CTIF: variants seen among roughly 807,000 people sequenced by gnomAD.
CTIF encodes cap binding complex dependent translation initiation factor, also known as CBP80/20-dependent translation initiation factor.
CTIF carries 21 observed loss-of-function variants against 66.0 expected under a neutral mutation model. That is an observed-to-expected ratio of 0.32 (90% confidence interval 0.23 to 0.46). The LOEUF (loss-of-function observed/expected upper bound fraction) is 0.46, where lower values mean the gene tolerates loss of function less well. Among genes scored for constraint, CTIF ranks in the 20% least tolerant of loss-of-function variants. The pLI is 1.00. For missense variants in CTIF, 739 were observed against 812.7 expected, an observed-to-expected ratio of 0.91 and a Z score of 1.10; for synonymous variants, 345 against 326.4, an observed-to-expected ratio of 1.06 and a Z score of -0.62.
intron 6 of CTIF, among the ~76,000 whole-genome samples, chr18:48,692,223 G>T (rs1247831379): frequency 6.6e-6 from 1 of 151,876 alleles, no homozygotes; most frequent in Non-Finnish European, 1.5e-5. Context: ...AACTCAACTG[G>T]GAATCCACTT....
intron 3 of CTIF, among the ~76,000 whole-genome samples, chr18:48,642,223 T>C (rs1306402554): frequency 6.6e-6 from 1 of 152,082 alleles, no homozygotes; most frequent in Non-Finnish European, 1.5e-5. Context: ...TAAAAACTAG[T>C]TTACACAGAA....
chr18:48,856,172 C>T (rs1018206483), intron 10 of CTIF, among the ~76,000 whole-genome samples: 1 of 152,142 alleles, frequency 6.6e-6, no homozygotes, highest in African/African-American at 2.4e-5. Flanking sequence ...GGAAGCCACG[C>T]CCAGAGAGGG....
At chr18:48,653,128 G>C (rs2144787469) in intron 3 of CTIF, among the ~76,000 whole-genome samples, 2 of 152,296 alleles carry the variant, frequency 1.3e-5, no homozygotes, top group Admixed American at 1.3e-4. Context: ...GTTCTGGCCA[G>C]GGCACTCAGG....
chr18:48,711,639 T>C lies in CTIF; in HGVS notation c.528T>C (p.His176=), dbSNP rs746441593. Residue 176 remains histidine, a synonymous_variant, in exon 7 of 12, where the codon CAT becomes CAC. Coordinates refer to ENST00000256413, the MANE Select transcript of CTIF (RefSeq NM_014772.3). ...PAWQGYHPMP[H]EVEIAHTKKL... The stretch of plus-strand genomic sequence containing the variant: ...CACAGGGCTACCACCCGATGCCCCA[T>C]GAAGTGGAGATCGCACACACCAAGA... 6 of 1,613,876 alleles carry C rather than the reference T, an allele frequency of 3.7e-6. No individual in the cohort carries two copies. The highest frequency in any genetic ancestry group is 5.1e-6 in the Non-Finnish European group (6 of 1,179,920).
At chr18:48,698,845 G>C (rs1360510795) in intron 6 of CTIF, among the ~76,000 whole-genome samples, 4 of 152,172 alleles carry the variant, frequency 2.6e-5, no homozygotes, top group Admixed American at 2.6e-4. Flanking sequence ...GCTGGGGACT[G>C]TCATTTCCCC....
intron 7 of CTIF, among the ~76,000 whole-genome samples, chr18:48,723,936 C>A (rs9963062): frequency 1.3e-5 from 2 of 152,018 alleles, no homozygotes; most frequent in African/African-American, 4.8e-5. Context: ...GGCAAGACAC[C>A]AGCAAACAGA....
At chr18:48,781,778 G>A (rs1911253915) in intron 9 of CTIF, among the ~76,000 whole-genome samples, 1 of 152,104 alleles carries the variant, frequency 6.6e-6, no homozygotes, top group Non-Finnish European at 1.5e-5. Flanking sequence ...TAAAAGGCCT[G>A]GGTTTCGGTC....
At chr18:48,577,551 G>A (rs531210661) in intron 1 of CTIF, among the ~76,000 whole-genome samples, 58 of 151,728 alleles carry the variant, frequency 3.8e-4, no homozygotes, top group African/African-American at 1.4e-3. Context: ...CCCTTTTGAA[G>A]TGGATTTTTT....
chr18:48,731,635 A>G (rs898628612), intron 7 of CTIF, among the ~76,000 whole-genome samples: 1 of 152,226 alleles, frequency 6.6e-6, no homozygotes, highest in African/African-American at 2.4e-5. Flanking sequence ...AAAGTCTTAT[A>G]TGGAAATTAT....
chr18:48,603,700 G>A (rs2090149572), intron 1 of CTIF, among the ~76,000 whole-genome samples: 1 of 152,060 alleles, frequency 6.6e-6, no homozygotes, highest in South Asian at 2.1e-4. Flanking sequence ...GTGGATGGAT[G>A]GATGAATAGA....
intron 7 of CTIF, among the ~76,000 whole-genome samples, chr18:48,732,122 G>GC (rs1405098396): frequency 6.6e-6 from 1 of 152,198 alleles, no homozygotes; most frequent in Admixed American, 6.5e-5. Flanking sequence ...CTGCAGCAGT[G>GC]CATTCACCTG....
At chr18:48,738,000 A>G (rs1017067983) in intron 7 of CTIF, among the ~76,000 whole-genome samples, 5 of 152,212 alleles carry the variant, frequency 3.3e-5, no homozygotes, top group Admixed American at 3.3e-4. Context: ...GGGGTGTCTA[A>G]TACACTTCTC....
chr18:48,838,352 C>T (rs1160730293), intron 10 of CTIF, among the ~76,000 whole-genome samples: 1 of 151,794 alleles, frequency 6.6e-6, no homozygotes, highest in African/African-American at 2.4e-5. Context: ...AAGCCAGTGC[C>T]CTCCTAGAGT....
chr18:48,734,247 A>G (rs2092480272), intron 7 of CTIF, among the ~76,000 whole-genome samples: 1 of 152,218 alleles, frequency 6.6e-6, no homozygotes, highest in Admixed American at 6.5e-5. Context: ...TGCTGTGGTC[A>G]GAGATAATAC....
chr18:48,639,488 G>A (rs2090887714), intron 3 of CTIF, among the ~76,000 whole-genome samples: 1 of 152,110 alleles, frequency 6.6e-6, no homozygotes, highest in African/African-American at 2.4e-5. Context: ...GAGGTGAGGG[G>A]GAGTTGCACC....
intron 9 of CTIF, among the ~76,000 whole-genome samples, chr18:48,762,464 A>G (rs1161979701): frequency 6.6e-6 from 1 of 152,142 alleles, no homozygotes; most frequent in South Asian, 2.1e-4. Context: ...GACGTCAGGG[A>G]GAGATAGCAG....
intron 9 of CTIF, among the ~76,000 whole-genome samples, chr18:48,771,929 T>C (rs957093373): frequency 9.9e-5 from 15 of 152,226 alleles, no homozygotes; most frequent in African/African-American, 3.4e-4. Context: ...TGGCTGCCGC[T>C]GGAAAGCTGG....
At chr18:48,634,051 C>T (rs536793891) in intron 2 of CTIF, among the ~76,000 whole-genome samples, 61 of 152,314 alleles carry the variant, frequency 4.0e-4, no homozygotes, top group Non-Finnish European at 7.8e-4. Context: ...TGCCACATCT[C>T]CTCTTTCCCT....
intron 2 of CTIF, among the ~76,000 whole-genome samples, chr18:48,627,184 A>G (rs190693693): frequency 1.7e-3 from 261 of 152,350 alleles, no homozygotes; most frequent in African/African-American, 5.6e-3. Context: ...TTTTTAGCAT[A>G]AAGTGTAACT....
Sources: gnomAD v4.1 joint callset for allele counts (sites outside exome capture counted in the v4.1 genomes callset) on GRCh38, gnomAD v4.1.1 for gene constraint, MANE v1.5 for transcripts, NCBI Gene and HGNC (gene_info 2026-07-23, HGNC 2026-07-21) for gene names.